The following ZNF337 variants were observed in gnomAD, a reference collection of about 807,000 sequenced individuals.
ZNF337 encodes the protein zinc finger protein 337.
In ZNF337, 8 loss-of-function variants were observed where a neutral mutation model predicts 12.1. The ratio of observed to expected loss-of-function variants is 0.66; its 90% CI spans 0.39 to 1.19. The LOEUF (loss-of-function observed/expected upper bound fraction) is 1.19, where lower values mean the gene tolerates loss of function less well. Among genes scored for constraint, ZNF337 ranks in the 50% most tolerant of loss-of-function variants. ZNF337 has a pLI of 0.01. For synonymous variants in ZNF337, 336 were observed against 320.0 expected, an observed-to-expected ratio of 1.05 and a Z score of -0.53; for missense variants, 882 against 896.6, an observed-to-expected ratio of 0.98 and a Z score of 0.21.
intron 1 of ZNF337, among the ~76,000 whole-genome samples, chr20:25,690,444 G>A (rs1805011742): frequency 1.3e-5 from 2 of 152,280 alleles, no homozygotes; most frequent in Admixed American, 6.5e-5. Flanking sequence ...ATACAACAGA[G>A]CTTCTAAAGC....
intron 4 of ZNF337, among the ~76,000 whole-genome samples, chr20:25,683,608 G>C (rs1445683582): frequency 2.6e-5 from 4 of 151,888 alleles, no homozygotes; most frequent in Admixed American, 6.6e-5. Context: ...TAGAAAAAAT[G>C]CTCATCATCA....
chr20:25,683,086 C>T (rs1449894869), intron 4 of ZNF337, among the ~76,000 whole-genome samples: 1 of 152,104 alleles, frequency 6.6e-6, no homozygotes, highest in African/African-American at 2.4e-5. Context: ...AAACTTAACA[C>T]CACTTTTCAG....
chr20:25,678,457 T>G (rs1263128274), intron 4 of ZNF337, among the ~76,000 whole-genome samples: 7 of 152,156 alleles, frequency 4.6e-5, no homozygotes, highest in Non-Finnish European at 1.0e-4. Context: ...ATCTACAGAT[T>G]CACTGCAATA....
intron 4 of ZNF337, chr20:25,677,241 C>CCTG: frequency 1.9e-6 from 1 of 521,828 alleles, no homozygotes. Context: ...CAGCATTATC[C>CCTG]TGATACCAAA....
rs202151029 is a variant in ZNF337 at position 25,685,576 on chromosome 20, G to A, written c.241C>T (p.Pro81Ser). 1.5e-5 allele frequency: 24 copies of A among 1,613,840 alleles called. No homozygotes were observed. The East Asian group carries it at 4.7e-4, about 31-fold the overall frequency. Residue 81 changes from proline to serine, a missense_variant, in exon 4 of 5, where the codon CCC (proline) becomes TCC (serine). Coordinates refer to ENST00000252979, the MANE Select transcript of ZNF337 (RefSeq NM_015655.4). ...CTGTCTATCCCCTCACCTGCACAGG[G>A]GCCTGGCCGGCGTCTTCTCTCTTCT... ...WGEERRRRPG[P>S]CAGIYAEHVL... is the part of the protein sequence containing the mutation.
intron 1 of ZNF337, among the ~76,000 whole-genome samples, chr20:25,689,343 C>T (rs2065864441): frequency 6.6e-6 from 1 of 152,120 alleles, no homozygotes; most frequent in Non-Finnish European, 1.5e-5. Context: ...AGGTTGCTTA[C>T]TCTATGTTCA....
rs1407368751 is a variant in ZNF337, at chr20:25,676,034, A to C, written c.1254T>G (p.Thr418=). 6.2e-7 allele frequency: 1 copy of C among 1,613,248 alleles called. No homozygotes were observed. The highest frequency in any genetic ancestry group is 1.7e-5 in the Admixed American group (1 of 59,944). ...AGTGTGTTCTCTGGTGGTAGACAAG[A>C]GTTGACTTTTGGCTAAAGCTTCGCT... ...DCERSFSQKS[T]LVYHQRTHSG... Residue 418 remains threonine, a synonymous_variant, in exon 5 of 5, where the codon ACT becomes ACG. Coordinates refer to ENST00000252979, the MANE Select transcript of ZNF337 (RefSeq NM_015655.4).
chr20:25,684,786 T>C (rs2065808132), intron 4 of ZNF337, among the ~76,000 whole-genome samples: 1 of 152,228 alleles, frequency 6.6e-6, no homozygotes, highest in Non-Finnish European at 1.5e-5. Flanking sequence ...CATAGAATAC[T>C]ATGTGGCCAT....
intron 4 of ZNF337, chr20:25,680,970 G>C (rs1047901752): frequency 1.3e-5 from 2 of 152,222 alleles, no homozygotes; most frequent in African/African-American, 4.8e-5. Flanking sequence ...ATGGGGGCGA[G>C]AGAAGGGAGT....
chr20:25,684,558 A>T (rs73597843), intron 4 of ZNF337, among the ~76,000 whole-genome samples: 1 of 152,116 alleles, frequency 6.6e-6, no homozygotes, highest in East Asian at 1.9e-4. Flanking sequence ...ATTGTGGAAG[A>T]CAGTGTGGCG....
chr20:25,680,340 A>G (rs2122384428), intron 4 of ZNF337, among the ~76,000 whole-genome samples: 1 of 152,278 alleles, frequency 6.6e-6, no homozygotes, highest in Non-Finnish European at 1.5e-5. Flanking sequence ...TGGTATGCAT[A>G]TATCAAAATA....
intron 4 of ZNF337, among the ~76,000 whole-genome samples, chr20:25,678,251 C>A (rs754126692): frequency 4.6e-5 from 7 of 151,894 alleles, no homozygotes. Flanking sequence ...CCAATAATAA[C>A]TAGGTGAAAA....
chr20:25,689,260 T>G (rs1412976210), intron 1 of ZNF337, among the ~76,000 whole-genome samples: 1 of 151,670 alleles, frequency 6.6e-6, no homozygotes, highest in Non-Finnish European at 1.5e-5. Flanking sequence ...GCGGAGACCG[T>G]GCCACTGCAC....
chr20:25,674,990 A>G lies in ZNF337; in HGVS notation c.*42T>C, dbSNP rs45461991. On this transcript the variant is annotated 3_prime_UTR_variant, in exon 5 of 5. Coordinates refer to ENST00000252979, the MANE Select transcript of ZNF337 (RefSeq NM_015655.4). ...CTAAAGCTTGTAACAAAGCAAAGTTACTCTCCTGAGTGTGTCCTCTGATGG... is the reference window on the plus strand; with the variant it reads ...CTAAAGCTTGTAACAAAGCAAAGTTGCTCTCCTGAGTGTGTCCTCTGATGG... 9.2e-4 allele frequency: 1,437 copies of G among 1,557,566 alleles called. 2 individuals carry two copies. The highest frequency in any genetic ancestry group is 9.9e-4 in the Non-Finnish European group (1,129 of 1,144,440).
chr20:25,696,340 C>G (rs1367406475), intron 1 of ZNF337, among the ~76,000 whole-genome samples: 1 of 152,180 alleles, frequency 6.6e-6, no homozygotes, highest in African/African-American at 2.4e-5. Flanking sequence ...CCCACCCCAC[C>G]AGTGGACCCT....
intron 1 of ZNF337, among the ~76,000 whole-genome samples, chr20:25,694,940 C>T (rs2065908235): frequency 6.6e-6 from 1 of 152,184 alleles, no homozygotes. Context: ...TTAATGTAGC[C>T]AGACCTCCTT....
chr20:25,686,744 T>A, intron 1 of ZNF337: 1 of 384,668 alleles, frequency 2.6e-6, no homozygotes, highest in Non-Finnish European at 4.7e-6. Flanking sequence ...AGGTCTTGCA[T>A]TTAAGGTTAG....
At chr20:25,689,997 GGCA>G (rs1310518627) in intron 1 of ZNF337, among the ~76,000 whole-genome samples, 1 of 152,176 alleles carries the variant, frequency 6.6e-6, no homozygotes, top group Non-Finnish European at 1.5e-5. Flanking sequence ...AAAAACAGAA[GGCA>G]GCTGGCTGGG....
At position 25,673,909 on chromosome 20, in the gene ZNF337, T is replaced by C. The variant is rs1262892944; in HGVS notation, c.*1123A>G. Reference sequence around the variant, plus strand: ...ATCACATCTGCCACAGCATTCTCTATCATTGAGGCATTTTCTCAGGAAATC... The same window carrying C: ...ATCACATCTGCCACAGCATTCTCTACCATTGAGGCATTTTCTCAGGAAATC... On this transcript the variant is annotated 3_prime_UTR_variant, in exon 5 of 5. Coordinates refer to ENST00000252979, the MANE Select transcript of ZNF337 (RefSeq NM_015655.4). 6.6e-6 allele frequency: 1 copy of C among 152,210 alleles called. No homozygotes were observed. The highest frequency in any genetic ancestry group is 2.4e-5 in the African/African-American group (1 of 41,450). The allele number at this position is 152,210 out of a possible 1,614,324, so 9.4% of individuals were successfully genotyped here. A position where few individuals can be genotyped will look rare whatever the true frequency, so the allele number is the denominator to read the frequency against.
Sources: allele counts gnomAD v4.1 joint callset (sites outside exome capture counted in the v4.1 genomes callset), GRCh38; gene constraint gnomAD v4.1.1; transcripts MANE v1.5; gene names NCBI Gene and HGNC (gene_info 2026-07-23, HGNC 2026-07-21).